TMEM222: variants seen among roughly 807,000 people sequenced by gnomAD.
The protein encoded by TMEM222 is chromosome 1 open reading frame 160.
In TMEM222, 18 loss-of-function variants were observed where a neutral mutation model predicts 25.1. That is an observed-to-expected ratio of 0.72 (90% confidence interval 0.50 to 1.06). The LOEUF (loss-of-function observed/expected upper bound fraction) is 1.06, where lower values mean the gene tolerates loss of function less well. Ranked by LOEUF, TMEM222 falls within the 50% of genes least tolerant of loss-of-function variation. TMEM222 has a pLI of 0.00. For synonymous variants in TMEM222, 131 were observed against 117.9 expected (o/e 1.11, Z -0.72); for missense variants, 296 against 293.7 (o/e 1.01, Z -0.06).
At chr1:27,324,959 G>C (rs752368263) in intron 1 of TMEM222, among the ~76,000 whole-genome samples, 1 of 152,134 alleles carries the variant, frequency 6.6e-6, no homozygotes, top group East Asian at 1.9e-4. Context: ...TCCAATATGG[G>C]GACTACAGTT....
intron 3 of TMEM222, chr1:27,333,497 C>T (rs1229354166): frequency 2.0e-5 from 9 of 460,094 alleles, no homozygotes; most frequent in Admixed American, 4.7e-5. Flanking sequence ...GTCCTGGGTG[C>T]GGGTGCTGGT....
intron 5 of TMEM222, 186 bp downstream of exon 5, chr1:27,334,467 G>C: frequency 7.9e-7 from 1 of 1,263,160 alleles, no homozygotes; most frequent in South Asian, 1.6e-5. Flanking sequence ...CTGTGCTGAA[G>C]TCCAGCTCCA....
chr1:27,332,631 G>C (rs1223659471), intron 3 of TMEM222: 1 of 660,196 alleles, frequency 1.5e-6, no homozygotes, highest in East Asian at 2.7e-5. Context: ...CACCTCAGCT[G>C]TGGGCCTGGT....
In TMEM222 at chr1:27,334,036, G is replaced by A; in HGVS notation, c.390G>A (p.Glu130=). The change falls in exon 4 of 6, where the codon GAG becomes GAA. Residue 130 remains glutamate (E), a synonymous_variant. Coordinates refer to ENST00000374076, the MANE Select transcript of TMEM222 (RefSeq NM_032125.3). ...AWDTAVHDAS[E]EYKHRMHNLC... is the part of the protein sequence containing the mutation. Reference sequence around the variant, plus strand: ...ACACGGCTGTGCACGACGCCTCTGAGGAGTACAAGCACCGCATGGTAGGTG... The same window carrying A: ...ACACGGCTGTGCACGACGCCTCTGAAGAGTACAAGCACCGCATGGTAGGTG... 1.2e-6 allele frequency: 2 copies of A among 1,614,182 alleles called. No homozygotes were observed. The highest frequency in any genetic ancestry group is 1.7e-6 in the Non-Finnish European group (2 of 1,180,026).
At position 27,334,166 on chromosome 1, in the gene TMEM222, G is replaced by A. The variant is rs762890759; in HGVS notation, c.424G>A (p.Asp142Asn). 1 of 1,614,180 alleles carries A rather than the reference G, an allele frequency of 6.2e-7. No homozygotes were observed. ...YKHRMHNLCC[D>N]NCHSHVALAL... ...GTGCCTCCAGCACAATCTCTGCTGT[G>A]ACAACTGCCACTCGCACGTGGCATT... is the stretch of plus-strand genomic sequence containing the variant. Residue 142 changes from aspartate (D) to asparagine (N), a missense_variant, in exon 5 of 6, where the codon GAC becomes AAC. By Grantham distance (23) the Asp-to-Asn change is conservative. Coordinates refer to ENST00000374076, the MANE Select transcript of TMEM222 (RefSeq NM_032125.3).
rs2014558836 is a variant in TMEM222 at position 27,334,512 on chromosome 1, C to T, written c.539+231C>T. 3 of 1,357,086 alleles carry T rather than the reference C, an allele frequency of 2.2e-6. No individual in the cohort carries two copies. In the African/African-American group the frequency reaches 4.4e-5, roughly 20 times the overall value. 84.1% of individuals were successfully genotyped at this position (1,357,086 alleles called of 1,614,324 possible). ...CAAATGCAGCTCTGGCTCTTGCCTG[C>T]TGTGAGACCATGGGCAACTGCCTTG... On this transcript the variant is annotated intron_variant, in intron 5 of 5. Coordinates refer to ENST00000374076, the MANE Select transcript of TMEM222 (RefSeq NM_032125.3).
At chr1:27,327,521 T>A (rs1037270531) in intron 1 of TMEM222, among the ~76,000 whole-genome samples, 1 of 152,232 alleles carries the variant, frequency 6.6e-6, no homozygotes, top group Admixed American at 6.5e-5. Context: ...CTCGAGTAGC[T>A]GGGATTACAG....
intron 3 of TMEM222, chr1:27,332,524 GT>G: frequency 1.4e-6 from 1 of 718,156 alleles, no homozygotes; most frequent in Non-Finnish European, 2.6e-6. Flanking sequence ...CTGCTGGAAA[GT>G]TCTGGTTGGA....
chr1:27,325,423 A>G, intron 1 of TMEM222: 1 of 1,166,980 alleles, frequency 8.6e-7, no homozygotes, highest in Non-Finnish European at 1.3e-6. Context: ...ACCATCAGCA[A>G]CAAGCGGTTC....
At chr1:27,325,600 A>T in intron 1 of TMEM222, 1 of 959,820 alleles carries the variant, frequency 1.0e-6, no homozygotes, top group Non-Finnish European at 1.7e-6. Flanking sequence ...GGCATCACCG[A>T]CAGGATGCAG....
At chr1:27,334,342 C>G in intron 5 of TMEM222, 61 bp downstream of exon 5, 1 of 1,607,084 alleles carries the variant, frequency 6.2e-7, no homozygotes, top group Non-Finnish European at 8.5e-7. Flanking sequence ...CCCAAGGATC[C>G]TAGAAAGACC....
At chr1:27,329,932 T>C (rs144209968) in intron 1 of TMEM222, among the ~76,000 whole-genome samples, 1 of 151,876 alleles carries the variant, frequency 6.6e-6, no homozygotes. Context: ...TGAAACCTCA[T>C]GTCTACTAAA....
At chr1:27,334,347 AAGAC>A in intron 5 of TMEM222, 66 bp downstream of exon 5, 1 of 1,605,956 alleles carries the variant, frequency 6.2e-7, no homozygotes, top group Non-Finnish European at 8.5e-7. Flanking sequence ...GGATCCTAGA[AAGAC>A]CATTCCTAGC....
chr1:27,327,375 T>G (rs1235974628), intron 1 of TMEM222, among the ~76,000 whole-genome samples: 1 of 152,128 alleles, frequency 6.6e-6, no homozygotes, highest in Non-Finnish European at 1.5e-5. Flanking sequence ...CGTTTGTTTG[T>G]TGTTTTTAAT....
At chr1:27,325,202 C>A in intron 1 of TMEM222, 1 of 399,484 alleles carries the variant, frequency 2.5e-6, no homozygotes, top group Non-Finnish European at 4.8e-6. Flanking sequence ...GGTAATTCTG[C>A]ATGAAAAACC....
At chr1:27,334,959 C>G (rs551791182) in intron 5 of TMEM222, 1 of 401,914 alleles carries the variant, frequency 2.5e-6, no homozygotes, top group Admixed American at 4.6e-5. Context: ...CTGACCCTTG[C>G]CAGCCCCAGA....
chr1:27,325,297 T>C (rs528420250), intron 1 of TMEM222: 27 of 617,030 alleles, frequency 4.4e-5, no homozygotes, highest in Middle Eastern at 3.8e-4. Flanking sequence ...AAGGATGACA[T>C]GCAGATTCGT....
intron 2 of TMEM222, 41 bp from the exon 3 acceptor site, chr1:27,332,029 A>T: frequency 6.2e-7 from 1 of 1,613,926 alleles, no homozygotes; most frequent in Non-Finnish European, 8.5e-7. Context: ...TCTGGCCCAA[A>T]TGTAAGTTCC....
intron 3 of TMEM222, chr1:27,332,386 G>A (rs1047278187): frequency 9.1e-5 from 65 of 717,712 alleles, no homozygotes; most frequent in Admixed American, 1.8e-4. Context: ...GAAGGGACTT[G>A]GTCAAGGTCA....
Sources: allele counts gnomAD v4.1 joint callset (sites outside exome capture counted in the v4.1 genomes callset), GRCh38; gene constraint gnomAD v4.1.1; transcripts MANE v1.5; gene names NCBI Gene and HGNC (gene_info 2026-07-23, HGNC 2026-07-21).